The following TRHDE variants were observed in gnomAD, a reference collection of about 807,000 sequenced individuals.
TRHDE encodes the protein thyrotropin releasing hormone degrading enzyme.
Under a neutral mutation model 125.7 loss-of-function variants are expected in TRHDE, and 72 were observed. The observed-to-expected ratio is 0.57, with a 90% CI of 0.47 to 0.70. TRHDE has a LOEUF of 0.70. Ranked by LOEUF, TRHDE falls within the 30% of genes least tolerant of loss-of-function variation. The pLI, the probability that TRHDE is intolerant of heterozygous loss-of-function variation, is 0.00. For synonymous variants in TRHDE, 509 were observed against 509.1 expected, an observed-to-expected ratio of 1.00 and a Z score of 0.00; for missense variants, 1,110 against 1,327.1, an observed-to-expected ratio of 0.84 and a Z score of 2.54.
rs758566940 is a variant in TRHDE at position 72,286,685 on chromosome 12, C to G, written c.919C>G (p.Leu307Val). Residue 307 changes from leucine to valine, a missense_variant, in exon 2 of 19, where the codon CTT becomes GTT. By Grantham distance (32) the Leu-to-Val change is conservative. Transcript: ENST00000261180. ...ATGTCATTTTCTTTTTTCCAGATTC[C>G]TTGGTGTTACTCAGTTTTCGCCTAC... The part of the protein sequence containing the change: ...SYVLHGERRF[L>V]GVTQFSPTHA... 74 of 1,611,560 alleles carry G rather than the reference C, an allele frequency of 4.6e-5. No individual in the cohort carries two copies. The highest frequency in any genetic ancestry group is 6.0e-5 in the Non-Finnish European group (71 of 1,178,940).
chr12:72,377,652 A>G (rs1326660627), intron 2 of TRHDE, among the ~76,000 whole-genome samples: 1 of 152,148 alleles, frequency 6.6e-6, no homozygotes, highest in Non-Finnish European at 1.5e-5. Flanking sequence ...TACTTTCAGC[A>G]TAGTCAGGGT....
chr12:72,432,713 T>A (rs1346507396), intron 3 of TRHDE, among the ~76,000 whole-genome samples: 2 of 152,094 alleles, frequency 1.3e-5, no homozygotes, highest in Non-Finnish European at 2.9e-5. Flanking sequence ...CATACAGGCG[T>A]CTTGGGTCAC....
chr12:72,426,125 A>C (rs560763497), intron 3 of TRHDE, among the ~76,000 whole-genome samples: 1 of 152,230 alleles, frequency 6.6e-6, no homozygotes, highest in Admixed American at 6.6e-5. Flanking sequence ...TCAATAATTC[A>C]AGGTAGATTT....
intron 15 of TRHDE, among the ~76,000 whole-genome samples, chr12:72,647,775 A>G (rs1367691867): frequency 6.6e-6 from 1 of 152,142 alleles, no homozygotes. Flanking sequence ...TTGAATTAGT[A>G]ATCAAAAACC....
In TRHDE at chr12:72,621,098, C is replaced by T. The variant is rs752749392; in HGVS notation, c.2470-10C>T. The stretch of plus-strand genomic sequence containing the variant: ...TGACCTTATCTTTATTTATTCTATA[C>T]CCCATTTAGGAATATATTTTAAAGC... On this transcript the variant is annotated splice_polypyrimidine_tract_variant and intron_variant, in intron 13 of 18. Coordinates refer to ENST00000261180, the MANE Select transcript of TRHDE (RefSeq NM_013381.3). 3 of 1,508,650 alleles carry T rather than the reference C, an allele frequency of 2.0e-6. No homozygotes were observed. The highest frequency in any genetic ancestry group is 1.7e-5 in the Admixed American group (1 of 59,444). 93.5% of individuals were successfully genotyped at this position (1,508,650 alleles called of 1,614,324 possible).
At position 72,575,739 on chromosome 12, in the gene TRHDE, G is replaced by C. The variant is rs534542568; in HGVS notation, c.2321+197G>C. On this transcript the variant is annotated intron_variant, in intron 12 of 18. Transcript: ENST00000261180. ...AATAATAGCTATAGGGTATTTCTAA[G>C]TCAGGATAAGCTTGATGAATTTCAC... Among the ~76,000 whole-genome samples, 218 of 152,148 alleles carry C rather than the reference G, an allele frequency of 1.4e-3. 1 individual carries two copies. The highest frequency in any genetic ancestry group is 2.1e-3 in the Non-Finnish European group (144 of 67,988).
At chr12:72,467,763 C>T (rs371821894) in intron 3 of TRHDE, among the ~76,000 whole-genome samples, 1 of 152,102 alleles carries the variant, frequency 6.6e-6, no homozygotes, top group Non-Finnish European at 1.5e-5. Context: ...TGCGGTGAGC[C>T]GAGATCGCAC....
intron 3 of TRHDE, among the ~76,000 whole-genome samples, chr12:72,428,899 A>C (rs989349755): frequency 1.3e-5 from 2 of 152,068 alleles, no homozygotes; most frequent in Non-Finnish European, 2.9e-5. Flanking sequence ...ATATGTTTCA[A>C]AGTTCATTCA....
chr12:72,371,356 T>C (rs1427439619), intron 2 of TRHDE, among the ~76,000 whole-genome samples: 1 of 151,034 alleles, frequency 6.6e-6, no homozygotes, highest in Non-Finnish European at 1.5e-5. Flanking sequence ...GAACAAAATA[T>C]TTCGACTCAC....
At chr12:72,332,588 A>C (rs1338247324) in intron 2 of TRHDE, among the ~76,000 whole-genome samples, 1 of 152,238 alleles carries the variant, frequency 6.6e-6, no homozygotes, top group Non-Finnish European at 1.5e-5. Flanking sequence ...TTTCAGCATG[A>C]GATTTAGAGG....
chr12:72,492,006 G>C (rs1290663556), intron 5 of TRHDE, among the ~76,000 whole-genome samples: 1 of 151,916 alleles, frequency 6.6e-6, no homozygotes, highest in Admixed American at 6.6e-5. Context: ...TTGTTTCATT[G>C]TAGGCATTAG....
At chr12:72,501,801 T>C (rs1878165996) in intron 6 of TRHDE, among the ~76,000 whole-genome samples, 2 of 152,094 alleles carry the variant, frequency 1.3e-5, no homozygotes, top group Admixed American at 1.3e-4. Context: ...AGTATAGCAG[T>C]AGGGACCTGA....
chr12:72,446,819 C>T (rs1166692877), intron 3 of TRHDE, among the ~76,000 whole-genome samples: 3 of 152,034 alleles, frequency 2.0e-5, no homozygotes, highest in African/African-American at 7.2e-5. Context: ...GCTAACTATC[C>T]TAAATATATA....
At chr12:72,112,186 A>G (rs547190364) in intron 2 of TRHDE, among the ~76,000 whole-genome samples, 22 of 152,228 alleles carry the variant, frequency 1.4e-4, no homozygotes, top group Admixed American at 1.3e-3. Context: ...TTTGAAATAT[A>G]GTACTGTCAG....
intron 3 of TRHDE, among the ~76,000 whole-genome samples, chr12:72,422,890 T>C (rs987986562): frequency 1.3e-5 from 2 of 152,134 alleles, no homozygotes; most frequent in African/African-American, 4.8e-5. Flanking sequence ...GCTCTTTCAC[T>C]TTCTACTATG....
At chr12:72,244,887 C>A (rs1418328660) in intron 2 of TRHDE, among the ~76,000 whole-genome samples, 1 of 152,030 alleles carries the variant, frequency 6.6e-6, no homozygotes, top group African/African-American at 2.4e-5. Flanking sequence ...AGACACGATT[C>A]TATTTTTAAA....
intron 6 of TRHDE, among the ~76,000 whole-genome samples, chr12:72,521,460 C>T (rs2135963161): frequency 6.6e-6 from 1 of 152,116 alleles, no homozygotes; most frequent in African/African-American, 2.4e-5. Flanking sequence ...GTGTGAGTCG[C>T]AGCAATTCTG....
At chr12:72,235,407 C>G (rs185652769) in intron 2 of TRHDE, among the ~76,000 whole-genome samples, 1 of 152,292 alleles carries the variant, frequency 6.6e-6, no homozygotes, top group Admixed American at 6.5e-5. Flanking sequence ...CAAGGAAACA[C>G]AGCTGACAAA....
At chr12:72,456,128 T>TAC (rs58045175) in intron 3 of TRHDE, among the ~76,000 whole-genome samples, 314 of 134,822 alleles carry the variant, frequency 2.3e-3, no homozygotes, top group Admixed American at 6.7e-3. Flanking sequence ...AATATGTAAT[T>TAC]ACACACACAC....
Sources: allele counts gnomAD v4.1 joint callset (sites outside exome capture counted in the v4.1 genomes callset), GRCh38; gene constraint gnomAD v4.1.1; transcripts MANE v1.5; gene names NCBI Gene and HGNC (gene_info 2026-07-23, HGNC 2026-07-21).